Variants in DIP2C observed in about 807,000 individuals in gnomAD.
DIP2C encodes the protein DIP2 acetate--CoA ligase C (putative), also known as disco-interacting protein 2 homolog C.
DIP2C carries 33 observed loss-of-function variants against 192.4 expected under a neutral mutation model. The observed-to-expected ratio is 0.17, with a 90% confidence interval of 0.13 to 0.23. The LOEUF (loss-of-function observed/expected upper bound fraction) is 0.23, where lower values mean the gene tolerates loss of function less well. DIP2C is among the 10% of genes least tolerant of loss of function. The probability of loss-of-function intolerance (pLI) is 1.00; values close to 1 mark genes in which losing one functional copy is unlikely to be tolerated. For synonymous variants in DIP2C, 979 were observed against 864.1 expected, an observed-to-expected ratio of 1.13 and a Z score of -2.33; for missense variants, 1,537 against 2,110.1, an observed-to-expected ratio of 0.73 and a Z score of 5.32.
At position 524,967 on chromosome 10, in the gene DIP2C, C is replaced by CAAAAAAAAAAAAAAAAAAAAAAAAAAA. The variant is rs10652748; in HGVS notation, c.86-38438_86-38437insTTTTTTTTTTTTTTTTTTTTTTTTTTT. 1.1e-3 allele frequency among the ~76,000 whole-genome samples: 126 copies of CAAAAAAAAAAAAAAAAAAAAAAAAAAA among 111,100 alleles called. 10 individuals carry two copies. Among genetic ancestry groups the CAAAAAAAAAAAAAAAAAAAAAAAAAAA allele is most frequent in the African/African-American group, 3.4e-3 (73 of 21,578 alleles). The allele number at this position is 111,100 out of a possible 152,430, so 72.9% of individuals were successfully genotyped here. On this transcript the variant is annotated intron_variant, in intron 1 of 36. Coordinates refer to ENST00000280886, the MANE Select transcript of DIP2C (RefSeq NM_014974.3). Reference sequence around the variant, plus strand: ...ACACAGTTTAAGACAATCACAATTTCAAAAAAAAAAAAAAAAGAATCACAT... The same window carrying CAAAAAAAAAAAAAAAAAAAAAAAAAAA: ...ACACAGTTTAAGACAATCACAATTTCAAAAAAAAAAAAAAAAAAAAAAAAAAAAAAAAAAAAAAAAAAAGAATCACAT...
At chr10:638,542 G>A (rs772607263) in intron 1 of DIP2C, among the ~76,000 whole-genome samples, 3 of 152,244 alleles carry the variant, frequency 2.0e-5, no homozygotes, top group Non-Finnish European at 2.9e-5. Context: ...TCGAAGCACC[G>A]TACTCAGAAA....
intron 34 of DIP2C, among the ~76,000 whole-genome samples, chr10:284,258 G>C (rs1334024406): frequency 6.6e-6 from 1 of 152,170 alleles, no homozygotes; most frequent in African/African-American, 2.4e-5. Context: ...CACGTCCCCA[G>C]AGCAGTGCCT....
chr10:670,814 C>G (rs1395437581), intron 1 of DIP2C, among the ~76,000 whole-genome samples: 1 of 152,140 alleles, frequency 6.6e-6, no homozygotes, highest in Non-Finnish European at 1.5e-5. Context: ...ACTATGTCTT[C>G]CTCAAATATT....
chr10:406,287 A>C (rs1964801970), intron 9 of DIP2C, among the ~76,000 whole-genome samples: 1 of 152,256 alleles, frequency 6.6e-6, no homozygotes, highest in African/African-American at 2.4e-5. Context: ...ATTCAGTAGC[A>C]TGAAGCACAA....
chr10:567,732 G>A (rs552078353), intron 1 of DIP2C, among the ~76,000 whole-genome samples: 38 of 152,218 alleles, frequency 2.5e-4, no homozygotes, highest in African/African-American at 8.7e-4. Context: ...CCGCCTCCCA[G>A]GATCAAGGGA....
At chr10:302,046 A>G (rs1386480679) in intron 32 of DIP2C, among the ~76,000 whole-genome samples, 1 of 152,184 alleles carries the variant, frequency 6.6e-6, no homozygotes, top group Non-Finnish European at 1.5e-5. Flanking sequence ...CCCGATGATC[A>G]TCTCAAGTTG....
At chr10:611,562 C>G (rs1438360463) in intron 1 of DIP2C, among the ~76,000 whole-genome samples, 1 of 152,210 alleles carries the variant, frequency 6.6e-6, no homozygotes, top group Non-Finnish European at 1.5e-5. Context: ...AGAAACCCCA[C>G]CTCTGAAACA....
intron 1 of DIP2C, among the ~76,000 whole-genome samples, chr10:606,689 G>T (rs1435392680): frequency 6.6e-6 from 1 of 152,258 alleles, no homozygotes; most frequent in East Asian, 1.9e-4. Flanking sequence ...TTAGGAAAGG[G>T]ATCTCACTGC....
intron 1 of DIP2C, among the ~76,000 whole-genome samples, chr10:560,592 TTAA>T (rs752929901): frequency 3.1e-4 from 47 of 152,342 alleles, no homozygotes; most frequent in African/African-American, 8.4e-4. Flanking sequence ...TGCTGATAAC[TTAA>T]TAATTAACAT....
In DIP2C at chr10:585,597, G is replaced by A. The variant is rs368879239; in HGVS notation, c.86-99067C>T. On this transcript the variant is annotated intron_variant, in intron 1 of 36. Coordinates refer to ENST00000280886, the MANE Select transcript of DIP2C (RefSeq NM_014974.3). ...AAATGATCCTGGGTATAATTTACAT[G>A]GACACAGGAAGGTGGCTGAGCCCAA... Among the ~76,000 whole-genome samples the A allele has an allele frequency of 2.6e-5, 4 of 152,238 alleles. No homozygotes were observed. The East Asian group carries it at 7.7e-4, about 29-fold the overall frequency.
At chr10:358,008 G>C in intron 22 of DIP2C, 71 bp from the exon 23 acceptor site, 1 of 1,163,732 alleles carries the variant, frequency 8.6e-7, no homozygotes, top group Non-Finnish European at 1.3e-6. Context: ...CTCCCACTTT[G>C]GTAAAGACCT....
intron 1 of DIP2C, among the ~76,000 whole-genome samples, chr10:523,305 CTG>C (rs1476278922): frequency 6.7e-5 from 10 of 149,934 alleles, no homozygotes; most frequent in African/African-American, 2.5e-4. Context: ...TGCAGGGACT[CTG>C]TGTGACCCAC....
rs149351568 is a variant in DIP2C at position 567,170 on chromosome 10, G to A, written c.86-80640C>T. On this transcript the variant is annotated intron_variant, in intron 1 of 36. Coordinates refer to ENST00000280886, the MANE Select transcript of DIP2C (RefSeq NM_014974.3). ...CTCCGGCGGAAGGAGGACAGGCACCGGTTTTGGGGGGTTTTTTGTTTTGTT... is the reference window on the plus strand; with the variant it reads ...CTCCGGCGGAAGGAGGACAGGCACCAGTTTTGGGGGGTTTTTTGTTTTGTT... Among the ~76,000 whole-genome samples, 129 of 145,738 alleles carry A rather than the reference G, an allele frequency of 8.9e-4. 1 individual carries two copies. Among genetic ancestry groups the A allele is most frequent in the Middle Eastern group, 3.4e-3 (1 of 294 alleles).
intron 1 of DIP2C, among the ~76,000 whole-genome samples, chr10:563,779 C>A (rs1177986457): frequency 6.6e-6 from 1 of 152,076 alleles, no homozygotes; most frequent in Non-Finnish European, 1.5e-5. Flanking sequence ...GGTTGCTTAA[C>A]AAGTTCAGAC....
intron 17 of DIP2C, among the ~76,000 whole-genome samples, chr10:380,501 G>A (rs191023575): frequency 1.8e-4 from 28 of 152,338 alleles, no homozygotes; most frequent in African/African-American, 3.1e-4. Flanking sequence ...TGGTTAACAC[G>A]CAGGACACAA....
intron 1 of DIP2C, among the ~76,000 whole-genome samples, chr10:645,962 T>C (rs1009399856): frequency 3.9e-5 from 6 of 152,204 alleles, no homozygotes; most frequent in African/African-American, 1.4e-4. Flanking sequence ...AAAAGAAGCA[T>C]ATTGTATCAT....
At chr10:287,065 A>T (rs1367115942) in intron 33 of DIP2C, among the ~76,000 whole-genome samples, 2 of 152,110 alleles carry the variant, frequency 1.3e-5, no homozygotes, top group African/African-American at 2.4e-5. Context: ...TCCTGCAGGT[A>T]AACATCTTTT....
At chr10:290,620 T>C (rs903777403) in intron 32 of DIP2C, among the ~76,000 whole-genome samples, 3 of 152,178 alleles carry the variant, frequency 2.0e-5, no homozygotes, top group African/African-American at 7.2e-5. Context: ...AACCGTGGGC[T>C]TCACCCCAAA....
At chr10:611,048 T>C (rs1431735920) in intron 1 of DIP2C, among the ~76,000 whole-genome samples, 2 of 121,498 alleles carry the variant, frequency 1.6e-5, no homozygotes, top group Non-Finnish European at 3.4e-5. Flanking sequence ...CTCACGGGGG[T>C]GCTTTCTAAC....
Sources: allele counts gnomAD v4.1 joint callset (sites outside exome capture counted in the v4.1 genomes callset), GRCh38; gene constraint gnomAD v4.1.1; transcripts MANE v1.5; gene names NCBI Gene and HGNC (gene_info 2026-07-23, HGNC 2026-07-21).